CENPK: variants seen among roughly 807,000 people sequenced by gnomAD.
CENPK encodes centromere protein K.
Under a neutral mutation model 40.9 loss-of-function variants are expected in CENPK, and 46 were observed. The ratio of observed to expected loss-of-function variants is 1.13; its 90% CI spans 0.89 to 1.44. CENPK has a LOEUF of 1.44. Ranked by LOEUF, CENPK falls within the 40% of genes most tolerant of loss-of-function variation. The pLI is 0.00. For missense variants in CENPK, 288 were observed against 303.5 expected, an observed-to-expected ratio of 0.95 and a Z score of 0.38; for synonymous variants, 107 against 104.4, an observed-to-expected ratio of 1.02 and a Z score of -0.15.
Position 65,518,401 on chromosome 5 carries a change from A to C in CENPK, c.*74T>G. Reference sequence around the variant, plus strand: ...CATTAATTTGCAAATAATGTTTTTTATCCAAATAGTCCTGTGGTTCCAATA... The same window carrying C: ...CATTAATTTGCAAATAATGTTTTTTCTCCAAATAGTCCTGTGGTTCCAATA... On this transcript the variant is annotated 3_prime_UTR_variant, in exon 11 of 11. Coordinates refer to ENST00000396679, the MANE Select transcript of CENPK (RefSeq NM_022145.5). The C allele has an allele frequency of 6.9e-7, 1 of 1,451,790 alleles. No homozygotes were observed. The highest frequency in any genetic ancestry group is 2.3e-5 in the East Asian group (1 of 43,392). 89.9% of individuals were successfully genotyped at this position (1,451,790 alleles called of 1,614,324 possible). A position where few individuals can be genotyped will look rare whatever the true frequency, so the allele number is the denominator to read the frequency against.
chr5:65,545,168 T>G (rs1306773179), intron 5 of CENPK, among the ~76,000 whole-genome samples: 1 of 151,976 alleles, frequency 6.6e-6, no homozygotes, highest in Non-Finnish European at 1.5e-5. Flanking sequence ...CATCAAATGA[T>G]AGCTAAAAAG....
intron 9 of CENPK, among the ~76,000 whole-genome samples, chr5:65,526,992 C>T (rs370670762): frequency 3.3e-5 from 5 of 152,032 alleles, no homozygotes; most frequent in Admixed American, 6.6e-5. Context: ...ACTCAGGAGG[C>T]TGGGACAGGA....
At chr5:65,515,536 TTTA>T (rs1742799490), downstream of CENPK, among the ~76,000 whole-genome samples, 1 of 152,196 alleles carries the variant, frequency 6.6e-6, no homozygotes, top group Non-Finnish European at 1.5e-5. Flanking sequence ...TGTAGTTTCA[TTTA>T]TTTAGTTCAA....
Position 65,528,963 on chromosome 5 carries a change from T to C in CENPK, c.426A>G (p.Leu142=), listed in dbSNP as rs150254661. Residue 142 remains leucine, a synonymous_variant, in exon 8 of 11, where the codon CTA becomes CTG. Transcript: ENST00000396679. ...CAACCTTATTTTTCAATTCACTGTG[T>C]AGTACATTAAGAGATTCCATTATCT... ...QQQIMESLNV[L]HSELKNKVET... The C allele has an allele frequency of 1.2e-5, 20 of 1,608,464 alleles. No individual in the cohort carries two copies. Among genetic ancestry groups the C allele is most frequent in the Non-Finnish European group, 1.7e-5 (20 of 1,176,388 alleles).
the CENPK span, among the ~76,000 whole-genome samples, chr5:65,511,724 G>A: frequency 6.6e-6 from 1 of 152,170 alleles, no homozygotes; most frequent in African/African-American, 2.4e-5. Flanking sequence ...AACTGCTCAT[G>A]TGAGGGATCT....
chr5:65,498,685 G>T, the CENPK span, among the ~76,000 whole-genome samples: 1 of 144,980 alleles, frequency 6.9e-6, no homozygotes, highest in Non-Finnish European at 1.5e-5. Context: ...TTTGAGACAG[G>T]GTCTCACTCC....
At chr5:65,550,030 T>C (rs1454212262) in intron 5 of CENPK, among the ~76,000 whole-genome samples, 1 of 151,970 alleles carries the variant, frequency 6.6e-6, no homozygotes, top group Non-Finnish European at 1.5e-5. Flanking sequence ...TAGCTGGGTG[T>C]GGTAGCATGC....
chr5:65,532,439 G>C (rs1746014816), intron 6 of CENPK, among the ~76,000 whole-genome samples: 1 of 151,966 alleles, frequency 6.6e-6, no homozygotes, highest in South Asian at 2.1e-4. Flanking sequence ...GCCTAACAAA[G>C]ACATCACAAA....
the CENPK span, among the ~76,000 whole-genome samples, chr5:65,502,930 C>T: frequency 1.3e-5 from 2 of 151,966 alleles, no homozygotes; most frequent in Non-Finnish European, 2.9e-5. Context: ...TTCAGCCTCC[C>T]GAGTAGCTGG....
chr5:65,550,183 A>ATT (rs1749729104), intron 5 of CENPK, among the ~76,000 whole-genome samples: 1 of 149,254 alleles, frequency 6.7e-6, no homozygotes, highest in African/African-American at 2.5e-5. Context: ...TCAAAAAAAA[A>ATT]AAAAAAAAAA....
In CENPK at chr5:65,518,385, G is replaced by A; in HGVS notation, c.*90C>T. On this transcript the variant is annotated 3_prime_UTR_variant, in exon 11 of 11. Transcript: ENST00000396679. ...TAAGATGGCCTATGCGCATTAATTT[G>A]CAAATAATGTTTTTTATCCAAATAG... The A allele has an allele frequency of 1.5e-6, 2 of 1,323,912 alleles. No homozygotes were observed. Among genetic ancestry groups the A allele is most frequent in the Non-Finnish European group, 1.1e-6 (1 of 950,288 alleles). 82.0% of individuals were successfully genotyped at this position (1,323,912 alleles called of 1,614,324 possible). A position where few individuals can be genotyped will look rare whatever the true frequency, so the allele number is the denominator to read the frequency against.
chr5:65,531,031 C>T (rs1430679255), intron 6 of CENPK, among the ~76,000 whole-genome samples: 1 of 152,016 alleles, frequency 6.6e-6, no homozygotes, highest in Non-Finnish European at 1.5e-5. Flanking sequence ...GTGACTCATT[C>T]CTGTAATTCT....
At chr5:65,531,323 A>G (rs543352260) in intron 6 of CENPK, among the ~76,000 whole-genome samples, 2 of 152,302 alleles carry the variant, frequency 1.3e-5, no homozygotes, top group African/African-American at 4.8e-5. Context: ...CTAAATAATC[A>G]ATGGGTCAAA....
the CENPK span, among the ~76,000 whole-genome samples, chr5:65,509,904 T>C: frequency 6.6e-6 from 1 of 152,248 alleles, no homozygotes. Flanking sequence ...ATCAGTGTAA[T>C]TGTTTGGAGG....
At chr5:65,519,319 T>C (rs1743285121) in intron 10 of CENPK, among the ~76,000 whole-genome samples, 1 of 152,182 alleles carries the variant, frequency 6.6e-6, no homozygotes, top group African/African-American at 2.4e-5. Context: ...CAGCTGTCTT[T>C]CCCAAATGCA....
downstream of CENPK, among the ~76,000 whole-genome samples, chr5:65,516,741 A>G (rs1052347555): frequency 3.3e-5 from 5 of 152,284 alleles, no homozygotes; most frequent in Non-Finnish European, 4.4e-5. Context: ...GTTGTAGGAT[A>G]AACAATAAAC....
chr5:65,499,181 C>A, the CENPK span, among the ~76,000 whole-genome samples: 17 of 149,854 alleles, frequency 1.1e-4, no homozygotes, highest in African/African-American at 4.2e-4. Flanking sequence ...CAGCCAGGAA[C>A]TTTCTTTAGC....
intron 9 of CENPK, chr5:65,524,714 A>T (rs988001821): frequency 6.5e-6 from 1 of 154,172 alleles, no homozygotes; most frequent in Non-Finnish European, 1.5e-5. Flanking sequence ...ACTGACTCCA[A>T]TACAATGTAG....
intron 5 of CENPK, among the ~76,000 whole-genome samples, chr5:65,543,458 C>T (rs758981121): frequency 3.9e-5 from 6 of 152,116 alleles, no homozygotes; most frequent in African/African-American, 1.4e-4. Flanking sequence ...ATGTAACATA[C>T]ATTTACATAC....
Sources: allele counts gnomAD v4.1 joint callset (sites outside exome capture counted in the v4.1 genomes callset), GRCh38; gene constraint gnomAD v4.1.1; transcripts MANE v1.5; gene names NCBI Gene and HGNC (gene_info 2026-07-23, HGNC 2026-07-21).